The following SEMA3A variants were observed in gnomAD, a reference collection of about 807,000 sequenced individuals.
SEMA3A encodes semaphorin 3A.
In SEMA3A, 29 loss-of-function variants were observed where a neutral mutation model predicts 97.9. That is an observed-to-expected ratio of 0.30 (90% CI 0.22 to 0.40). The LOEUF (loss-of-function observed/expected upper bound fraction) is 0.40. Among genes scored for constraint, SEMA3A ranks in the 10% least tolerant of loss-of-function variants. The pLI is 1.00. For synonymous variants in SEMA3A, 321 were observed against 323.7 expected (o/e 0.99, Z 0.09); for missense variants, 763 against 951.3 (o/e 0.80, Z 2.60).
At chr7:84,291,528 A>G (rs1800745991) in intron 3 of SEMA3A, among the ~76,000 whole-genome samples, 1 of 152,084 alleles carries the variant, frequency 6.6e-6, no homozygotes, top group African/African-American at 2.4e-5. Flanking sequence ...AAATTACGTA[A>G]TGCTGTCTCT....
chr7:84,197,730 C>CTTTTTTTTTT (rs139403623), upstream of SEMA3A, among the ~76,000 whole-genome samples: 1 of 69,344 alleles, frequency 1.4e-5, no homozygotes, highest in Non-Finnish European at 2.6e-5. Flanking sequence ...AAAGATCACT[C>CTTTTTTTTTT]TTTTTTTTTT....
At chr7:84,307,099 T>G (rs910236165) in intron 3 of SEMA3A, 1 of 152,122 alleles carries the variant, frequency 6.6e-6, no homozygotes, top group East Asian at 1.9e-4. Flanking sequence ...GTGCTCTTAA[T>G]TTTTAAAAAT....
intron 4 of SEMA3A, among the ~76,000 whole-genome samples, chr7:84,061,783 T>C (rs1012808193): frequency 1.3e-4 from 20 of 152,218 alleles, no homozygotes; most frequent in African/African-American, 3.9e-4. Flanking sequence ...CTGTTTTTAC[T>C]ACTGTGAATG....
rs868645505 is a variant in SEMA3A at position 83,975,067 on chromosome 7, C to A, written c.1717+2065G>T. On this transcript the variant is annotated intron_variant, in intron 15 of 16. Coordinates refer to ENST00000265362, the MANE Select transcript of SEMA3A (RefSeq NM_006080.3). ...CAAATTTTAATAGTCTTTAACTACT[C>A]TAATTTTATCAAAACACATCTTTAA... 3.5e-4 allele frequency among the ~76,000 whole-genome samples: 54 copies of A among 152,246 alleles called. 1 individual carries two copies. The highest frequency in any genetic ancestry group is 1.3e-3 in the African/African-American group (53 of 41,558).
Position 84,297,468 on chromosome 7 carries a change from T to C in SEMA3A, c.-83+9739A>G, listed in dbSNP as rs113586069. 3.3e-5 allele frequency among the ~76,000 whole-genome samples: 5 copies of C among 152,220 alleles called. 1 individual carries two copies. Among genetic ancestry groups the C allele is most frequent in the African/African-American group, 1.2e-4 (5 of 41,528 alleles). ...GCTCAAGGGCACTTGCAAACACATA[T>C]TTAGAATAAAATGAGATAAAATTCC... On this transcript the variant is annotated intron_variant, in intron 3 of 3. Coordinates refer to the SEMA3A transcript ENST00000424555.
intron 3 of SEMA3A, among the ~76,000 whole-genome samples, chr7:84,253,395 A>T (rs967509226): frequency 6.6e-6 from 1 of 152,074 alleles, no homozygotes; most frequent in Non-Finnish European, 1.5e-5. Context: ...AAGGGTCACA[A>T]TGTGTCTATT....
chr7:84,358,653 G>GT (rs1802632513), intron 2 of SEMA3A, among the ~76,000 whole-genome samples: 1 of 152,200 alleles, frequency 6.6e-6, no homozygotes, highest in African/African-American at 2.4e-5. Flanking sequence ...CTTTAAAGTA[G>GT]TTTTTTCCAA....
intron 4 of SEMA3A, among the ~76,000 whole-genome samples, chr7:84,097,314 A>T (rs1187960890): frequency 6.6e-6 from 1 of 152,264 alleles, no homozygotes; most frequent in Admixed American, 6.5e-5. Flanking sequence ...AAGTGAGGTA[A>T]CTGATTGAAA....
At chr7:83,976,324 A>T (rs1472822586) in intron 15 of SEMA3A, among the ~76,000 whole-genome samples, 1 of 152,248 alleles carries the variant, frequency 6.6e-6, no homozygotes, top group East Asian at 1.9e-4. Context: ...CATCAAAAAA[A>T]TTAATAGAAT....
intron 1 of SEMA3A, among the ~76,000 whole-genome samples, chr7:84,135,228 A>C (rs970065704): frequency 1.3e-5 from 2 of 150,808 alleles, no homozygotes; most frequent in Non-Finnish European, 2.9e-5. Flanking sequence ...CTCCCACCTC[A>C]GCCTCCCGAG....
intron 2 of SEMA3A, among the ~76,000 whole-genome samples, chr7:84,338,267 A>G (rs57137978): frequency 0.038 from 5,722 of 152,052 alleles, 385 homozygotes; most frequent in African/African-American, 0.13. Context: ...TATGTAATAC[A>G]GAAGAGAAAA....
intron 1 of SEMA3A, among the ~76,000 whole-genome samples, chr7:84,445,089 G>A (rs1198505203): frequency 6.6e-6 from 1 of 151,810 alleles, no homozygotes; most frequent in African/African-American, 2.4e-5. Flanking sequence ...ATTTTTTTCT[G>A]ATGCAAATAA....
At chr7:84,092,163 C>A (rs1458151578) in intron 4 of SEMA3A, among the ~76,000 whole-genome samples, 1 of 152,052 alleles carries the variant, frequency 6.6e-6, no homozygotes, top group Non-Finnish European at 1.5e-5. Flanking sequence ...CTTTGAAATA[C>A]CTGATTGTTA....
At chr7:84,090,920 A>C (rs2115846476) in intron 4 of SEMA3A, among the ~76,000 whole-genome samples, 1 of 150,730 alleles carries the variant, frequency 6.6e-6, no homozygotes, top group South Asian at 2.1e-4. Flanking sequence ...TACAAAAATT[A>C]GCTGGGCGTG....
At chr7:84,447,122 T>C (rs1053757216) in intron 1 of SEMA3A, among the ~76,000 whole-genome samples, 1 of 152,106 alleles carries the variant, frequency 6.6e-6, no homozygotes, top group Non-Finnish European at 1.5e-5. Flanking sequence ...CCTGGCCAGG[T>C]GTGCACACAT....
At chr7:84,420,198 A>G (rs1259294732) in intron 1 of SEMA3A, among the ~76,000 whole-genome samples, 2 of 152,014 alleles carry the variant, frequency 1.3e-5, no homozygotes, top group Non-Finnish European at 2.9e-5. Context: ...GAAAAAAAAA[A>G]AGTGACAGAT....
At chr7:84,088,213 T>C (rs1206317346) in intron 4 of SEMA3A, among the ~76,000 whole-genome samples, 1 of 152,106 alleles carries the variant, frequency 6.6e-6, no homozygotes, top group East Asian at 1.9e-4. Flanking sequence ...CCCAGCACTT[T>C]GGGAGGCCGA....
chr7:83,967,849 T>C (rs1359402852), intron 15 of SEMA3A, among the ~76,000 whole-genome samples: 2 of 152,198 alleles, frequency 1.3e-5, no homozygotes, highest in Non-Finnish European at 2.9e-5. Flanking sequence ...TACAGTGTGA[T>C]ATTTCAATAC....
chr7:84,245,877 G>T (rs964827772), intron 3 of SEMA3A, among the ~76,000 whole-genome samples: 1 of 152,178 alleles, frequency 6.6e-6, no homozygotes, highest in Admixed American at 6.5e-5. Context: ...CAGAGCTCAA[G>T]CACTGTGCTG....
Sources: gnomAD v4.1 joint callset for allele counts (sites outside exome capture counted in the v4.1 genomes callset) on GRCh38, gnomAD v4.1.1 for gene constraint, MANE v1.5 for transcripts, NCBI Gene and HGNC (gene_info 2026-07-23, HGNC 2026-07-21) for gene names.